WDFY3: variants seen among roughly 807,000 people sequenced by gnomAD.
WDFY3 encodes WD repeat and FYVE domain containing 3, also known as WD repeat and FYVE domain-containing protein 3.
A neutral mutation model predicts 409.6 loss-of-function variants in WDFY3; 66 were observed. The ratio of observed to expected loss-of-function variants is 0.16; its 90% CI spans 0.13 to 0.20. The LOEUF (loss-of-function observed/expected upper bound fraction) is 0.20. Among genes scored for constraint, WDFY3 ranks in the 10% least tolerant of loss-of-function variants. The pLI is 1.00. For missense variants in WDFY3, 3,031 were observed against 4,298.1 expected (o/e 0.71, Z 8.24); for synonymous variants, 1,521 against 1,537.1 (o/e 0.99, Z 0.25).
chr4:84,847,710 G>GC (rs1338582234), intron 5 of WDFY3, among the ~76,000 whole-genome samples: 1 of 142,900 alleles, frequency 7.0e-6, no homozygotes, highest in Non-Finnish European at 1.5e-5. Context: ...GGAGGCAGAG[G>GC]TTGCAGTGAG....
At chr4:84,750,373 A>T (rs952761024) in intron 36 of WDFY3, among the ~76,000 whole-genome samples, 7 of 152,164 alleles carry the variant, frequency 4.6e-5, no homozygotes, top group African/African-American at 1.7e-4. Flanking sequence ...TTTAAAAAAA[A>T]TTGACCAAAT....
At chr4:84,876,375 T>G (rs933423407) in intron 3 of WDFY3, among the ~76,000 whole-genome samples, 1 of 152,216 alleles carries the variant, frequency 6.6e-6, no homozygotes, top group African/African-American at 2.4e-5. Flanking sequence ...TACTAACTAT[T>G]TAACCTCAAG....
rs1304585402 is a variant in WDFY3, at chr4:84,850,298, A to G, written c.181-273T>C. ...TGATAAAATTTGAATCAATCTCACG[A>G]AAAACATTAGAAATTATAACGTTTC... On this transcript the variant is annotated intron_variant, in intron 4 of 67. Coordinates refer to ENST00000295888, the MANE Select transcript of WDFY3 (RefSeq NM_014991.6). 3.3e-5 allele frequency among the ~76,000 whole-genome samples: 5 copies of G among 150,898 alleles called. No homozygotes were observed. In the Middle Eastern group the frequency reaches 0.014, roughly 416 times the overall value.
At chr4:84,865,871 A>C (rs1254142273) in intron 3 of WDFY3, among the ~76,000 whole-genome samples, 2 of 152,132 alleles carry the variant, frequency 1.3e-5, no homozygotes, top group African/African-American at 4.8e-5. Flanking sequence ...GGAGTTTGAG[A>C]CCAGTTTGGG....
At chr4:84,824,001 T>G (rs560962460) in intron 10 of WDFY3, among the ~76,000 whole-genome samples, 1 of 152,198 alleles carries the variant, frequency 6.6e-6, no homozygotes, top group Non-Finnish European at 1.5e-5. Context: ...TTATTCCTGA[T>G]AGTCAAATAA....
intron 2 of WDFY3, among the ~76,000 whole-genome samples, chr4:84,912,249 T>C (rs1166934309): frequency 2.0e-5 from 3 of 152,182 alleles, no homozygotes; most frequent in Non-Finnish European, 4.4e-5. Context: ...GCTTGATACG[T>C]ACCTTAGATT....
At chr4:84,813,728 T>C (rs1425594539) in intron 13 of WDFY3, among the ~76,000 whole-genome samples, 2 of 152,104 alleles carry the variant, frequency 1.3e-5, no homozygotes, top group Non-Finnish European at 2.9e-5. Context: ...CTTACCAATA[T>C]TTAAAAAATC....
At chr4:84,810,426 T>A in intron 13 of WDFY3, 82 bp from the exon 14 acceptor site, 1 of 1,149,944 alleles carries the variant, frequency 8.7e-7, no homozygotes, top group Non-Finnish European at 1.2e-6. Flanking sequence ...TATATGGAGG[T>A]TGTACATTCT....
At chr4:84,759,488 G>A (rs1333640550) in intron 32 of WDFY3, among the ~76,000 whole-genome samples, 1 of 151,286 alleles carries the variant, frequency 6.6e-6, no homozygotes, top group Admixed American at 6.6e-5. Flanking sequence ...CTTGAGCAGT[G>A]GTTTGTAGTT....
chr4:84,824,183 A>G (rs919315095), intron 10 of WDFY3, among the ~76,000 whole-genome samples: 1 of 152,180 alleles, frequency 6.6e-6, no homozygotes, highest in Non-Finnish European at 1.5e-5. Context: ...GGTTTCAGTT[A>G]CCCATGGTTA....
chr4:84,945,437 G>A lies in WDFY3; in HGVS notation c.-225-13074C>T, dbSNP rs118086038. Among the ~76,000 whole-genome samples the A allele has an allele frequency of 5.8e-4, 89 of 152,312 alleles. 3 individuals are homozygous for A. In the East Asian group the frequency reaches 0.016, roughly 28 times the overall value. ...TGCCAGCACCACCATTCAAGATTAA[G>A]TGAATGCTTCATATAAATCACACTC... On this transcript the variant is annotated intron_variant, in intron 1 of 67. Transcript: ENST00000295888.
intron 60 of WDFY3, 117 bp from the exon 61 acceptor site, chr4:84,690,781 T>A (rs1463741287): frequency 8.0e-7 from 1 of 1,253,064 alleles, no homozygotes; most frequent in Admixed American, 2.9e-5. Flanking sequence ...TAGCGGCTCA[T>A]GTTCTGAGCT....
intron 3 of WDFY3, among the ~76,000 whole-genome samples, chr4:84,869,880 G>A (rs114009697): frequency 0.017 from 2,605 of 152,050 alleles, 35 homozygotes; most frequent in Non-Finnish European, 0.023. Context: ...TCCAAGAAAT[G>A]CAAATAAAAA....
At chr4:84,792,667 A>G (rs1437701221) in intron 21 of WDFY3, among the ~76,000 whole-genome samples, 2 of 152,232 alleles carry the variant, frequency 1.3e-5, no homozygotes, top group Admixed American at 6.5e-5. Context: ...GGACTATAGC[A>G]GCCTGGCAAA....
intron 29 of WDFY3, among the ~76,000 whole-genome samples, chr4:84,774,378 G>A (rs1269346537): frequency 6.6e-6 from 1 of 152,232 alleles, no homozygotes; most frequent in Non-Finnish European, 1.5e-5. Context: ...TACAAAAAGT[G>A]TGGATATGCA....
chr4:84,785,658 T>A (rs1341298000), intron 24 of WDFY3, among the ~76,000 whole-genome samples: 2 of 152,220 alleles, frequency 1.3e-5, no homozygotes, highest in South Asian at 2.1e-4. Flanking sequence ...ACATAATAGG[T>A]CATTCGTTAA....
At chr4:84,861,710 A>C (rs1028049389) in intron 3 of WDFY3, among the ~76,000 whole-genome samples, 5 of 152,242 alleles carry the variant, frequency 3.3e-5, no homozygotes, top group Non-Finnish European at 5.9e-5. Flanking sequence ...GTACTGAATC[A>C]TAATGCAAAA....
intron 59 of WDFY3, among the ~76,000 whole-genome samples, chr4:84,692,107 G>A (rs746283666): frequency 6.6e-6 from 1 of 152,160 alleles, no homozygotes; most frequent in Non-Finnish European, 1.5e-5. Flanking sequence ...ATGTCATAGG[G>A]ACACAGATTA....
chr4:84,892,851 G>A (rs1271383105), intron 3 of WDFY3, among the ~76,000 whole-genome samples: 1 of 152,226 alleles, frequency 6.6e-6, no homozygotes, highest in Non-Finnish European at 1.5e-5. Context: ...TTTGGAAATA[G>A]AATGTTCCCA....
Sources: allele counts gnomAD v4.1 joint callset (sites outside exome capture counted in the v4.1 genomes callset), GRCh38; gene constraint gnomAD v4.1.1; transcripts MANE v1.5; gene names NCBI Gene and HGNC (gene_info 2026-07-23, HGNC 2026-07-21).